Variants in NBAS observed in about 807,000 individuals in gnomAD.
NBAS encodes NBAS subunit of NRZ tethering complex, also known as NAG/BC035112 fusion.
NBAS carries 219 observed loss-of-function variants against 302.5 expected under a neutral mutation model. That is an observed-to-expected ratio of 0.72 (90% confidence interval 0.65 to 0.81). The LOEUF (loss-of-function observed/expected upper bound fraction) is 0.81. NBAS is among the 30% of genes least tolerant of loss of function. The pLI is 0.00. For synonymous variants in NBAS, 1,118 were observed against 1,021.6 expected, an observed-to-expected ratio of 1.09 and a Z score of -1.80; for missense variants, 2,932 against 2,841.6, an observed-to-expected ratio of 1.03 and a Z score of -0.72.
At chr2:15,391,318 G>A (rs112072591) in intron 28 of NBAS, among the ~76,000 whole-genome samples, 8 of 151,472 alleles carry the variant, frequency 5.3e-5, no homozygotes, top group East Asian at 1.9e-4. Flanking sequence ...TTTAACATAC[G>A]TTCAAAAAGT....
At chr2:15,155,488 C>T in the NBAS span, among the ~76,000 whole-genome samples, 1 of 152,188 alleles carries the variant, frequency 6.6e-6, no homozygotes, top group Admixed American at 6.5e-5. Context: ...GTTTCCAAGA[C>T]CACCACCCTT....
intron 38 of NBAS, among the ~76,000 whole-genome samples, chr2:15,326,737 T>C (rs1248652921): frequency 6.6e-6 from 1 of 152,124 alleles, no homozygotes; most frequent in Non-Finnish European, 1.5e-5. Context: ...ATGCCCTGAT[T>C]AGAGAAGGAT....
In NBAS at chr2:15,475,768, A is replaced by T. The variant is rs1036630106; in HGVS notation, c.1260T>A (p.Asn420Lys). ...ACCATTCACAGGATTTTCCCAGTAAATTCTTCAAAGTTTTCACAGATGAAA... is the reference window on the plus strand; with the variant it reads ...ACCATTCACAGGATTTTCCCAGTAATTTCTTCAAAGTTTTCACAGATGAAA... The part of the protein sequence containing the change: ...LTVSSVKTLK[N>K]LLGKSCEWFE... The change falls in exon 14 of 52, where the codon AAT becomes AAA. Residue 420 changes from asparagine to lysine, a missense_variant. By Grantham distance (94) the Asn-to-Lys change is moderately conservative. Coordinates refer to ENST00000281513, the MANE Select transcript of NBAS (RefSeq NM_015909.4). 14 of 1,614,128 alleles carry T rather than the reference A, an allele frequency of 8.7e-6. No homozygotes were observed. The highest frequency in any genetic ancestry group is 1.6e-4 in the Middle Eastern group (1 of 6,062).
chr2:15,484,079 G>A (rs1475750300), intron 12 of NBAS, among the ~76,000 whole-genome samples: 1 of 152,092 alleles, frequency 6.6e-6, no homozygotes, highest in Non-Finnish European at 1.5e-5. Context: ...CTCTTTAAAG[G>A]ATTCCAGTGA....
At chr2:15,398,090 C>CGTGTGTGTGT (rs201218082) in intron 26 of NBAS, among the ~76,000 whole-genome samples, 125 of 149,880 alleles carry the variant, frequency 8.3e-4, no homozygotes, top group African/African-American at 3.0e-3. Flanking sequence ...CTCAGTCAGC[C>CGTGTGTGTGT]GTGTGTGTGT....
chr2:14,857,566 A>T, the NBAS span, among the ~76,000 whole-genome samples: 1 of 152,168 alleles, frequency 6.6e-6, no homozygotes, highest in Non-Finnish European at 1.5e-5. Flanking sequence ...AAGAGCATAC[A>T]TTGGGGAAAG....
chr2:15,461,591 A>T, intron 20 of NBAS, 96 bp downstream of exon 20: 1 of 810,592 alleles, frequency 1.2e-6, no homozygotes, highest in East Asian at 2.7e-5. Flanking sequence ...CAAAAAAGAA[A>T]ATGTAATATA....
intron 26 of NBAS, among the ~76,000 whole-genome samples, chr2:15,401,766 T>C (rs994872747): frequency 6.6e-6 from 1 of 152,136 alleles, no homozygotes; most frequent in Non-Finnish European, 1.5e-5. Flanking sequence ...AGAAGTACTA[T>C]AGGCAAAGGC....
chr2:14,912,959 A>G, the NBAS span, among the ~76,000 whole-genome samples: 2 of 152,356 alleles, frequency 1.3e-5, no homozygotes, highest in Admixed American at 6.5e-5. Flanking sequence ...TTCTTAAAAT[A>G]GAAAGTTTCT....
chr2:15,355,356 C>G (rs369690451), intron 33 of NBAS, among the ~76,000 whole-genome samples: 78 of 152,298 alleles, frequency 5.1e-4, no homozygotes, highest in African/African-American at 1.6e-3. Flanking sequence ...AACTCCCTAT[C>G]ACACTGAAGA....
At position 15,190,367 on chromosome 2, in the gene NBAS, A is replaced by T; in HGVS notation, c.6469T>A (p.Tyr2157Asn). The change falls in exon 49 of 52, where the codon TAC (tyrosine) becomes AAC (asparagine). Residue 2157 changes from tyrosine (Y) to asparagine (N), a missense_variant. Physicochemically the swap from Tyr to Asn is moderately radical, Grantham distance 143. Transcript: ENST00000281513. ...IADIENEENR[Y>N]CLFMELLESS... The stretch of plus-strand genomic sequence containing the variant: ...TCCAGGAGTTCCATGAATAGACAGT[A>T]GCGGTTCTCTTCATTCTCAATGTCA... The T allele has an allele frequency of 1.2e-6, 2 of 1,614,044 alleles. No homozygotes were observed. Among genetic ancestry groups the T allele is most frequent in the Non-Finnish European group, 1.7e-6 (2 of 1,179,912 alleles).
At chr2:15,186,656 A>C in intron 50 of NBAS, 86 bp downstream of exon 50, 2 of 1,590,894 alleles carry the variant, frequency 1.3e-6, no homozygotes, top group Non-Finnish European at 1.7e-6. Context: ...AATGTTCCTC[A>C]AATCCAGTCT....
chr2:15,536,612 T>C (rs1663532704), intron 7 of NBAS, 61 bp from the exon 8 acceptor site: 4 of 1,410,530 alleles, frequency 2.8e-6, no homozygotes, highest in Non-Finnish European at 2.0e-6. Flanking sequence ...AGTTAACACA[T>C]GCATAATTAG....
the NBAS span, among the ~76,000 whole-genome samples, chr2:15,065,083 A>C: frequency 2.0e-5 from 3 of 152,144 alleles, no homozygotes; most frequent in Non-Finnish European, 2.9e-5. Context: ...GTATAGAAAA[A>C]ATTTACCTCA....
chr2:15,474,042 G>A (rs762171815), intron 15 of NBAS, 25 bp downstream of exon 15: 2 of 1,613,880 alleles, frequency 1.2e-6, no homozygotes, highest in Non-Finnish European at 1.7e-6. Context: ...CTTCAAACTT[G>A]GGTAGTAATA....
intron 12 of NBAS, among the ~76,000 whole-genome samples, chr2:15,485,305 G>C (rs1680578100): frequency 1.3e-5 from 2 of 151,728 alleles, no homozygotes; most frequent in African/African-American, 4.8e-5. Context: ...ATTATAAAGA[G>C]TGATTATAGT....
chr2:15,067,760 G>A, the NBAS span, among the ~76,000 whole-genome samples: 2 of 152,076 alleles, frequency 1.3e-5, no homozygotes, highest in East Asian at 1.9e-4. Context: ...CCAACACTGC[G>A]CCTATAGTTA....
intron 28 of NBAS, among the ~76,000 whole-genome samples, chr2:15,393,148 T>C (rs11682580): frequency 0.63 from 94,954 of 151,672 alleles, 30,477 homozygotes; most frequent in Middle Eastern, 0.69. Flanking sequence ...CAAAACTTTG[T>C]TAACAAAGGG....
chr2:15,351,929 G>C, intron 35 of NBAS, 63 bp downstream of exon 35: 1 of 1,225,728 alleles, frequency 8.2e-7, no homozygotes, highest in Non-Finnish European at 1.2e-6. Context: ...CACAAGGTTA[G>C]GTAATCCCAC....
Sources: gnomAD v4.1 joint callset for allele counts (sites outside exome capture counted in the v4.1 genomes callset) on GRCh38, gnomAD v4.1.1 for gene constraint, MANE v1.5 for transcripts, NCBI Gene and HGNC (gene_info 2026-07-23, HGNC 2026-07-21) for gene names.